Variants in CAMK2D observed in about 807,000 individuals in gnomAD.
CAMK2D encodes calcium/calmodulin-dependent protein kinase type II subunit delta.
CAMK2D carries 37 observed loss-of-function variants against 84.0 expected under a neutral mutation model. The observed-to-expected ratio is 0.44, with a 90% CI of 0.34 to 0.58. CAMK2D has a LOEUF of 0.58. CAMK2D is among the 20% of genes least tolerant of loss of function. The probability of loss-of-function intolerance (pLI) is 0.02; values close to 1 mark genes in which losing one functional copy is unlikely to be tolerated. For missense variants in CAMK2D, 448 were observed against 652.5 expected, an observed-to-expected ratio of 0.69 and a Z score of 3.41; for synonymous variants, 202 against 212.5, an observed-to-expected ratio of 0.95 and a Z score of 0.43.
intron 2 of CAMK2D, among the ~76,000 whole-genome samples, chr4:113,740,214 T>C (rs1408782244): frequency 1.3e-5 from 2 of 152,148 alleles, no homozygotes; most frequent in Non-Finnish European, 2.9e-5. Context: ...TAAATGTTCA[T>C]AGCAGCATTA....
At chr4:113,514,273 C>T (rs1359427803) in intron 10 of CAMK2D, among the ~76,000 whole-genome samples, 2 of 152,008 alleles carry the variant, frequency 1.3e-5, no homozygotes, top group East Asian at 1.9e-4. Context: ...ATTAGCCGGG[C>T]GTGGTGGTGG....
chr4:113,573,082 A>G (rs1222459114), intron 4 of CAMK2D, among the ~76,000 whole-genome samples: 3 of 152,224 alleles, frequency 2.0e-5, no homozygotes, highest in Non-Finnish European at 4.4e-5. Flanking sequence ...AAGAAAAATA[A>G]CTATTGAGGA....
At chr4:113,575,638 CTCAG>C (rs2098777443) in intron 4 of CAMK2D, among the ~76,000 whole-genome samples, 1 of 152,176 alleles carries the variant, frequency 6.6e-6, no homozygotes, top group African/African-American at 2.4e-5. Flanking sequence ...CATTTAAACC[CTCAG>C]TCAGTCAGCT....
chr4:113,547,235 C>T lies in CAMK2D; in HGVS notation c.414+409G>A, dbSNP rs570149932. Among the ~76,000 whole-genome samples the T allele has an allele frequency of 5.3e-5, 8 of 152,256 alleles. No individual in the cohort carries two copies. The South Asian group carries it at 1.7e-3, about 32-fold the overall frequency. ...AAAACTTCACCTAATAACTTTATCT[C>T]TACACACTTTATAATTTTACTAAGT... is the stretch of plus-strand genomic sequence containing the variant. On this transcript the variant is annotated intron_variant, in intron 6 of 20. Coordinates refer to ENST00000511664, the MANE Select transcript of CAMK2D (RefSeq NM_001321571.2).
chr4:113,678,696 G>A (rs2099328559), intron 2 of CAMK2D, among the ~76,000 whole-genome samples: 1 of 152,082 alleles, frequency 6.6e-6, no homozygotes, highest in Non-Finnish European at 1.5e-5. Context: ...CTACAGTGTT[G>A]TAGAAGACTA....
intron 1 of CAMK2D, among the ~76,000 whole-genome samples, chr4:113,760,198 GTCT>G (rs2099637730): frequency 6.6e-6 from 1 of 152,118 alleles, no homozygotes; most frequent in African/African-American, 2.4e-5. Context: ...TCCTCAGTAG[GTCT>G]CCTGCCTCCT....
intron 16 of CAMK2D, among the ~76,000 whole-genome samples, chr4:113,490,619 G>A (rs910539013): frequency 2.6e-5 from 4 of 151,506 alleles, no homozygotes; most frequent in African/African-American, 9.7e-5. Context: ...CTGACTTGGC[G>A]ATGCGGGCTC....
At chr4:113,472,121 ACTTTGAT>A (rs1263546032) in intron 16 of CAMK2D, among the ~76,000 whole-genome samples, 1 of 152,178 alleles carries the variant, frequency 6.6e-6, no homozygotes, top group Non-Finnish European at 1.5e-5. Context: ...ACTTTACGTT[ACTTTGAT>A]CTTACTGCAT....
intron 3 of CAMK2D, among the ~76,000 whole-genome samples, chr4:113,660,857 G>A (rs1160281984): frequency 2.0e-5 from 3 of 148,518 alleles, no homozygotes; most frequent in Middle Eastern, 3.2e-3. Context: ...GTGCAGTGGC[G>A]CAATCTCAGC....
chr4:113,675,551 A>T (rs145990964), intron 2 of CAMK2D, among the ~76,000 whole-genome samples: 166 of 152,278 alleles, frequency 1.1e-3, no homozygotes, highest in African/African-American at 3.9e-3. Flanking sequence ...TGTCAAAAGG[A>T]TCTAACTCAT....
At chr4:113,699,200 A>G (rs2099411210) in intron 2 of CAMK2D, among the ~76,000 whole-genome samples, 1 of 152,034 alleles carries the variant, frequency 6.6e-6, no homozygotes, top group South Asian at 2.1e-4. Context: ...TGGGGATGGT[A>G]TATCTCTCAT....
At chr4:113,629,201 C>G (rs967474639) in intron 3 of CAMK2D, among the ~76,000 whole-genome samples, 3 of 151,962 alleles carry the variant, frequency 2.0e-5, no homozygotes, top group African/African-American at 7.2e-5. Context: ...GACAGAGCCT[C>G]GGAAAACCTT....
At chr4:113,479,739 AAAAT>A (rs2097676267) in intron 16 of CAMK2D, among the ~76,000 whole-genome samples, 1 of 152,238 alleles carries the variant, frequency 6.6e-6, no homozygotes, top group South Asian at 2.1e-4. Context: ...CTACTTATCT[AAAAT>A]AAATGTTTCA....
rs115138273 is a variant in CAMK2D at position 113,597,831 on chromosome 4, C to A, written c.275+11321G>T. Reference sequence around the variant, plus strand: ...TGTGTGACTCTTCCTTTCACTTGAGCACTTAGAGGCCAGTGAAAAGTTATT... The same window carrying A: ...TGTGTGACTCTTCCTTTCACTTGAGAACTTAGAGGCCAGTGAAAAGTTATT... On this transcript the variant is annotated intron_variant, in intron 4 of 20. Coordinates refer to ENST00000511664, the MANE Select transcript of CAMK2D (RefSeq NM_001321571.2). Among the ~76,000 whole-genome samples, 1,427 of 152,258 alleles carry A rather than the reference C, an allele frequency of 9.4e-3. 9 individuals are homozygous for A. Among genetic ancestry groups the A allele is most frequent in the Non-Finnish European group, 0.012 (839 of 68,028 alleles).
chr4:113,670,724 C>A (rs1269823856), intron 2 of CAMK2D, among the ~76,000 whole-genome samples: 1 of 146,866 alleles, frequency 6.8e-6, no homozygotes, highest in African/African-American at 2.5e-5. Context: ...AGAATGGAAA[C>A]AAGGCATACT....
chr4:113,508,806 T>C (rs1035366162), intron 13 of CAMK2D, among the ~76,000 whole-genome samples: 6 of 152,202 alleles, frequency 3.9e-5, no homozygotes, highest in Admixed American at 1.3e-4. Context: ...CCACCTGACT[T>C]TGGGTCAAAT....
At chr4:113,683,335 G>A (rs535158642) in intron 2 of CAMK2D, among the ~76,000 whole-genome samples, 4 of 152,220 alleles carry the variant, frequency 2.6e-5, no homozygotes, top group Non-Finnish European at 5.9e-5. Flanking sequence ...AAACCAGACA[G>A]GGCACCGCAG....
At chr4:113,544,552 A>T (rs1323690220) in intron 6 of CAMK2D, among the ~76,000 whole-genome samples, 8 of 152,228 alleles carry the variant, frequency 5.3e-5, no homozygotes, top group African/African-American at 1.7e-4. Flanking sequence ...TTTCGTTTAC[A>T]TACTATGAGG....
intron 2 of CAMK2D, among the ~76,000 whole-genome samples, chr4:113,690,010 G>A (rs2099381701): frequency 6.6e-6 from 1 of 152,058 alleles, no homozygotes; most frequent in Non-Finnish European, 1.5e-5. Context: ...CATTAAGTTT[G>A]AATACCACCA....
Sources: allele counts gnomAD v4.1 joint callset (sites outside exome capture counted in the v4.1 genomes callset), GRCh38; gene constraint gnomAD v4.1.1; transcripts MANE v1.5; gene names NCBI Gene and HGNC (gene_info 2026-07-23, HGNC 2026-07-21).